CFAP95: variants seen among roughly 807,000 people sequenced by gnomAD.
The protein encoded by CFAP95 is cilia and flagella associated protein 95.
chr9:69,870,124 A>G, the CFAP95 span, among the ~76,000 whole-genome samples: 16 of 152,166 alleles, frequency 1.1e-4, no homozygotes, highest in African/African-American at 3.9e-4. Flanking sequence ...TGTCCTTTCA[A>G]ATGGCTTTTA....
the CFAP95 span, chr9:69,856,573 C>A: frequency 6.2e-7 from 1 of 1,606,732 alleles, no homozygotes; most frequent in Non-Finnish European, 8.5e-7. Flanking sequence ...ATCAGAAACA[C>A]ATGAAAAGTT....
chr9:69,821,267 A>G, the CFAP95 span, among the ~76,000 whole-genome samples: 1 of 152,152 alleles, frequency 6.6e-6, no homozygotes, highest in African/African-American at 2.4e-5. Flanking sequence ...GAGAGAAAAG[A>G]AAGAAAAGGG....
chr9:69,858,592 A>G, the CFAP95 span, among the ~76,000 whole-genome samples: 1 of 152,292 alleles, frequency 6.6e-6, no homozygotes, highest in African/African-American at 2.4e-5. Context: ...GTTGGTCATA[A>G]ATTCAAAGGT....
the CFAP95 span, among the ~76,000 whole-genome samples, chr9:69,854,213 T>C: frequency 6.6e-6 from 1 of 152,202 alleles, no homozygotes. Flanking sequence ...GTAACTTAAG[T>C]CGAGTCTCCA....
the CFAP95 span, among the ~76,000 whole-genome samples, chr9:69,881,354 TA>T: frequency 7.2e-5 from 11 of 152,166 alleles, no homozygotes; most frequent in African/African-American, 2.7e-4. Context: ...TGGTGAGAGA[TA>T]GGGGTCTAGT....
chr9:69,821,211 A>G, the CFAP95 span, among the ~76,000 whole-genome samples: 1 of 152,046 alleles, frequency 6.6e-6, no homozygotes, highest in Non-Finnish European at 1.5e-5. Flanking sequence ...AATGAGAAGA[A>G]AGGTGAGAAA....
chr9:69,875,505 G>C, the CFAP95 span, among the ~76,000 whole-genome samples: 2 of 152,196 alleles, frequency 1.3e-5, no homozygotes, highest in East Asian at 3.9e-4. Flanking sequence ...AATAAGGAGA[G>C]GCAAAAGGGC....
chr9:69,831,543 T>C, the CFAP95 span, among the ~76,000 whole-genome samples: 1 of 152,164 alleles, frequency 6.6e-6, no homozygotes, highest in African/African-American at 2.4e-5. Flanking sequence ...TCCCTGCCTT[T>C]AGGATGTTAG....
At chr9:69,847,708 T>G in the CFAP95 span, among the ~76,000 whole-genome samples, 1 of 152,200 alleles carries the variant, frequency 6.6e-6, no homozygotes, top group Non-Finnish European at 1.5e-5. Flanking sequence ...TGTTTCCCCT[T>G]CTGAATGCCT....
chr9:69,855,074 C>T, the CFAP95 span, among the ~76,000 whole-genome samples: 4 of 152,132 alleles, frequency 2.6e-5, no homozygotes, highest in Non-Finnish European at 5.9e-5. Flanking sequence ...ATTGTTTTTC[C>T]CTTCTGAGAC....
the CFAP95 span, chr9:69,844,651 G>T: frequency 0.16 from 239,767 of 1,526,920 alleles, 21,350 homozygotes; most frequent in African/African-American, 0.38. Flanking sequence ...TACTTCGTTT[G>T]AAGTCTGAAA....
chr9:69,829,099 A>T, the CFAP95 span, among the ~76,000 whole-genome samples: 1 of 152,180 alleles, frequency 6.6e-6, no homozygotes, highest in Non-Finnish European at 1.5e-5. Flanking sequence ...CCACCCTTTC[A>T]TTCTCGTCTG....
At chr9:69,873,562 C>T in the CFAP95 span, among the ~76,000 whole-genome samples, 7 of 152,138 alleles carry the variant, frequency 4.6e-5, no homozygotes, top group African/African-American at 1.4e-4. Context: ...TTCCGTGACC[C>T]GCTGTGGCTA....
the CFAP95 span, among the ~76,000 whole-genome samples, chr9:69,876,687 T>C: frequency 6.6e-6 from 1 of 152,130 alleles, no homozygotes. Context: ...CAGGCTAGAG[T>C]GCAATGGCGC....
the CFAP95 span, among the ~76,000 whole-genome samples, chr9:69,899,734 GC>G: frequency 3.3e-5 from 5 of 152,186 alleles, no homozygotes; most frequent in African/African-American, 9.6e-5. Flanking sequence ...TTTGGGACAT[GC>G]TAGGCAGAGG....
At chr9:69,837,484 A>G in the CFAP95 span, among the ~76,000 whole-genome samples, 1 of 152,168 alleles carries the variant, frequency 6.6e-6, no homozygotes, top group Non-Finnish European at 1.5e-5. Flanking sequence ...ATGGCCAGTG[A>G]TGATGAGCAT....
the CFAP95 span, among the ~76,000 whole-genome samples, chr9:69,857,108 T>G: frequency 6.6e-6 from 1 of 152,224 alleles, no homozygotes; most frequent in Admixed American, 6.5e-5. Context: ...GAAGTGTGCA[T>G]AGAAGTATTG....
At chr9:69,838,170 C>A in the CFAP95 span, among the ~76,000 whole-genome samples, 1 of 152,152 alleles carries the variant, frequency 6.6e-6, no homozygotes, top group Non-Finnish European at 1.5e-5. Flanking sequence ...TAGCGTGATG[C>A]CTCCAGCTTT....
chr9:69,904,581 CTT>C, the CFAP95 span, among the ~76,000 whole-genome samples: 1 of 152,154 alleles, frequency 6.6e-6, no homozygotes, highest in South Asian at 2.1e-4. Flanking sequence ...CATAAAAATC[CTT>C]CTCTCTGCCT....
Sources: allele counts gnomAD v4.1 joint callset (sites outside exome capture counted in the v4.1 genomes callset), GRCh38; gene constraint gnomAD v4.1.1; transcripts MANE v1.5; gene names NCBI Gene and HGNC (gene_info 2026-07-23, HGNC 2026-07-21).